The following AKAP13 variants were observed in gnomAD, a reference collection of about 807,000 sequenced individuals.
The protein encoded by AKAP13 is A-kinase anchoring protein 13.
In AKAP13, 80 loss-of-function variants were observed where a neutral mutation model predicts 264.5. That is an observed-to-expected ratio of 0.30 (90% CI 0.25 to 0.36). The LOEUF (loss-of-function observed/expected upper bound fraction) is 0.36, where lower values mean the gene tolerates loss of function less well. Among genes scored for constraint, AKAP13 ranks in the 10% least tolerant of loss-of-function variants. The pLI, the probability that AKAP13 is intolerant of heterozygous loss-of-function variation, is 1.00. For synonymous variants in AKAP13, 1,380 were observed against 1,250.2 expected (o/e 1.10, Z -2.19); for missense variants, 3,712 against 3,435.2 (o/e 1.08, Z -2.01).
intron 19 of AKAP13, among the ~76,000 whole-genome samples, chr15:85,714,564 A>G (rs2086812764): frequency 1.3e-5 from 2 of 152,230 alleles, no homozygotes; most frequent in South Asian, 4.1e-4. Context: ...CTAGAAGACA[A>G]GGGGGGCTGA....
intron 5 of AKAP13, among the ~76,000 whole-genome samples, chr15:85,569,501 G>A (rs1239240102): frequency 7.3e-6 from 1 of 137,268 alleles, no homozygotes; most frequent in Non-Finnish European, 1.5e-5. Flanking sequence ...TGCCTAGGCT[G>A]CAGTGCAATG....
intron 1 of AKAP13, among the ~76,000 whole-genome samples, chr15:85,440,630 C>T (rs2073598657): frequency 6.6e-6 from 1 of 152,128 alleles, no homozygotes; most frequent in Non-Finnish European, 1.5e-5. Context: ...ATTCAGGTAC[C>T]TAAAAGGGAG....
rs866378162 is a variant in AKAP13, at chr15:85,581,609, G to A, written c.3541G>A (p.Asp1181Asn). 1.1e-5 allele frequency: 18 copies of A among 1,614,124 alleles called. No individual in the cohort carries two copies. Among genetic ancestry groups the A allele is most frequent in the African/African-American group, 1.1e-4 (8 of 75,008 alleles). Residue 1181 changes from aspartate to asparagine, a missense_variant, in exon 7 of 37, where the codon GAT becomes AAT. Asp to Asn is a conservative substitution (Grantham distance 23, BLOSUM62 1). Coordinates refer to ENST00000394518, the MANE Select transcript of AKAP13 (RefSeq NM_007200.5). ...MGDAEEAQIDDEAHPVLLQPV... is the reference protein window; with the variant it reads ...MGDAEEAQIDNEAHPVLLQPV... ...TGACGCTGAGGAAGCCCAAATAGAC[G>A]ATGAAGCACATCCTGTCCTACTGCA...
At chr15:85,442,633 C>G (rs1384486363) in intron 1 of AKAP13, among the ~76,000 whole-genome samples, 1 of 149,054 alleles carries the variant, frequency 6.7e-6, no homozygotes, top group Non-Finnish European at 1.5e-5. Flanking sequence ...AACTATAAAA[C>G]TAAAACATGT....
At chr15:85,552,372 A>T (rs1436216298) in intron 5 of AKAP13, among the ~76,000 whole-genome samples, 1 of 152,204 alleles carries the variant, frequency 6.6e-6, no homozygotes, top group African/African-American at 2.4e-5. Context: ...AGGATTCTGG[A>T]TTTAATGAAT....
At chr15:85,416,652 G>A (rs2072256040) in intron 1 of AKAP13, among the ~76,000 whole-genome samples, 1 of 152,166 alleles carries the variant, frequency 6.6e-6, no homozygotes, top group Non-Finnish European at 1.5e-5. Context: ...GGTGTGTTAA[G>A]TATTGAATCA....
At position 85,569,749 on chromosome 15, in the gene AKAP13, T is replaced by A. The variant is rs1393295464; in HGVS notation, c.663-5382T>A. ...CCATGCCCAGCCAGATCAACATTTT[T>A]AAATTCTGCAAAACTCAGGGTTGAC... On this transcript the variant is annotated intron_variant, in intron 5 of 36. Transcript: ENST00000394518. Among the ~76,000 whole-genome samples, 2 of 152,128 alleles carry A rather than the reference T, an allele frequency of 1.3e-5. 1 individual carries two copies. Among genetic ancestry groups the A allele is most frequent in the Middle Eastern group, 6.3e-3 (2 of 316 alleles).
Position 85,719,000 on chromosome 15 carries a change from A to C in AKAP13, c.6002-76A>C. 6.4e-7 allele frequency: 1 copy of C among 1,569,744 alleles called. No individual in the cohort carries two copies. The highest frequency in any genetic ancestry group is 8.6e-7 in the Non-Finnish European group (1 of 1,156,480). On this transcript the variant is annotated intron_variant, in intron 22 of 36. Coordinates refer to ENST00000394518, the MANE Select transcript of AKAP13 (RefSeq NM_007200.5). The surrounding 1 kb of genome is among the most constrained non-coding windows in gnomAD (Gnocchi z 4.9). ...AATTGGGCTCTAAACTAGCTTTGGGACTGCAGCAGATGATCTTTGAGGGCG... is the reference window on the plus strand; with the variant it reads ...AATTGGGCTCTAAACTAGCTTTGGGCCTGCAGCAGATGATCTTTGAGGGCG...
At chr15:85,669,896 C>G in intron 14 of AKAP13, 66 bp downstream of exon 14, 1 of 1,284,090 alleles carries the variant, frequency 7.8e-7, no homozygotes, top group Non-Finnish European at 1.1e-6. Context: ...TATTATTTTT[C>G]TCACTTTAAG....
chr15:85,407,535 C>T lies in AKAP13; in HGVS notation c.-12+26737C>T, dbSNP rs964128699. Among the ~76,000 whole-genome samples the T allele has an allele frequency of 7.9e-4, 119 of 151,538 alleles. 1 individual carries two copies. The highest frequency in any genetic ancestry group is 1.6e-3 in the African/African-American group (64 of 40,938). ...GATTATAGGCATGAGCCATCGTGCCCGGCCTGTGCTGGGTCTTAAAGCATG... is the reference window on the plus strand; with the variant it reads ...GATTATAGGCATGAGCCATCGTGCCTGGCCTGTGCTGGGTCTTAAAGCATG... On this transcript the variant is annotated intron_variant, in intron 1 of 36. Coordinates refer to ENST00000394518, the MANE Select transcript of AKAP13 (RefSeq NM_007200.5).
In AKAP13 at chr15:85,747,860, A is replaced by C. The variant is rs2089415788; in HGVS notation, c.*3183A>C. On this transcript the variant is annotated 3_prime_UTR_variant, in exon 37 of 37. Transcript: ENST00000394518. Reference sequence around the variant, plus strand: ...TCTGTGTCTCAGGGTAATACTATTCAGAGTCGCCCCTTTGCTCATTTTCTC... The same window carrying C: ...TCTGTGTCTCAGGGTAATACTATTCCGAGTCGCCCCTTTGCTCATTTTCTC... 1 of 153,294 alleles carries C rather than the reference A, an allele frequency of 6.5e-6. No homozygotes were observed. The highest frequency in any genetic ancestry group is 2.4e-5 in the African/African-American group (1 of 41,402). 9.5% of individuals were successfully genotyped at this position (153,294 alleles called of 1,614,324 possible).
intron 12 of AKAP13, among the ~76,000 whole-genome samples, chr15:85,660,713 T>G (rs1382050951): frequency 1.3e-5 from 2 of 152,240 alleles, no homozygotes; most frequent in African/African-American, 4.8e-5. Flanking sequence ...AAGTAAATTA[T>G]GTCAGTGTCA....
At chr15:85,658,443 G>T in intron 11 of AKAP13, 94 bp from the exon 12 acceptor site, 1 of 1,037,892 alleles carries the variant, frequency 9.6e-7, no homozygotes. Flanking sequence ...TTTGAGCAGT[G>T]TCTCTCTCCC....
chr15:85,610,434 T>G (rs1463790059), intron 8 of AKAP13, among the ~76,000 whole-genome samples: 1 of 152,234 alleles, frequency 6.6e-6, no homozygotes, highest in Non-Finnish European at 1.5e-5. Flanking sequence ...TTGGTTTCTA[T>G]GGCAGGATCT....
At position 85,579,171 on chromosome 15, in the gene AKAP13, C is replaced by G. The variant is rs144259676; in HGVS notation, c.1103C>G (p.Ser368Cys). 6.2e-7 allele frequency: 1 copy of G among 1,614,062 alleles called. No individual in the cohort carries two copies. The highest frequency in any genetic ancestry group is 1.3e-5 in the African/African-American group (1 of 74,986). ...GTTGAGGAGGAGAATACAGACCGTT[C>G]CTGTAGGAAGAAAAATAAAGGCGTG... ...SIVEEENTDR[S>C]CRKKNKGVER... The change falls in exon 7 of 37, where the codon TCC becomes TGC. Residue 368 changes from serine (S) to cysteine (C), a missense_variant. Ser to Cys is a moderately radical substitution (Grantham distance 112). This residue lies in a region of AKAP13 where 2,759 missense variants were observed against 2,411.7 expected (regional missense o/e 1.14). Coordinates refer to ENST00000394518, the MANE Select transcript of AKAP13 (RefSeq NM_007200.5).
At chr15:85,570,275 A>T (rs1301782631) in intron 5 of AKAP13, among the ~76,000 whole-genome samples, 1 of 151,574 alleles carries the variant, frequency 6.6e-6, no homozygotes, top group Non-Finnish European at 1.5e-5. Context: ...ACATGGCAAA[A>T]CCCCATCTCT....
chr15:85,391,884 A>G (rs2070876973), intron 1 of AKAP13, among the ~76,000 whole-genome samples: 3 of 151,990 alleles, frequency 2.0e-5, no homozygotes, highest in Admixed American at 6.6e-5. Context: ...TCCCAGGTTC[A>G]AGCAATTCTC....
At chr15:85,739,512 T>C (rs1186962547) in intron 33 of AKAP13, among the ~76,000 whole-genome samples, 1 of 152,202 alleles carries the variant, frequency 6.6e-6, no homozygotes, top group Non-Finnish European at 1.5e-5. Context: ...AAATGAAAGA[T>C]TTTTCCATTT....
At chr15:85,662,473 C>A (rs767152245) in intron 12 of AKAP13, 1 of 1,613,948 alleles carries the variant, frequency 6.2e-7, no homozygotes, top group South Asian at 1.1e-5. Context: ...TGTTATGTGT[C>A]CCGCCACCAA....
Sources: allele counts gnomAD v4.1 joint callset (sites outside exome capture counted in the v4.1 genomes callset), GRCh38; gene constraint gnomAD v4.1.1; regional missense constraint gnomAD v4.1.1; non-coding constraint Gnocchi (gnomAD v3.1); transcripts MANE v1.5; gene names NCBI Gene and HGNC (gene_info 2026-07-23, HGNC 2026-07-21).